The following GALNTL6 variants were observed in gnomAD, a reference collection of about 807,000 sequenced individuals.
GALNTL6 encodes polypeptide N-acetylgalactosaminyltransferase like 6.
A neutral mutation model predicts 73.7 loss-of-function variants in GALNTL6; 46 were observed. That is an observed-to-expected ratio of 0.62 (90% CI 0.49 to 0.80). The LOEUF (loss-of-function observed/expected upper bound fraction) is 0.80. Among genes scored for constraint, GALNTL6 ranks in the 30% least tolerant of loss-of-function variants. The pLI, the probability that GALNTL6 is intolerant of heterozygous loss-of-function variation, is 0.00. For synonymous variants in GALNTL6, 259 were observed against 263.7 expected (o/e 0.98, Z 0.17); for missense variants, 604 against 755.0 (o/e 0.80, Z 2.34).
chr4:172,061,689 T>A (rs1731204635), intron 2 of GALNTL6, among the ~76,000 whole-genome samples: 1 of 152,138 alleles, frequency 6.6e-6, no homozygotes. Flanking sequence ...ACCTACCCAT[T>A]GTATACTAAC....
intron 4 of GALNTL6, among the ~76,000 whole-genome samples, chr4:172,336,874 G>A (rs1741347405): frequency 2.0e-5 from 3 of 152,068 alleles, no homozygotes. Flanking sequence ...GTCCATTATT[G>A]TATGACTGTG....
chr4:172,654,937 A>G (rs1259683885), intron 5 of GALNTL6, among the ~76,000 whole-genome samples: 2 of 152,142 alleles, frequency 1.3e-5, no homozygotes, highest in Non-Finnish European at 2.9e-5. Flanking sequence ...AACTTTACCT[A>G]TTTTACAGAT....
chr4:172,555,693 T>A (rs1343250648), intron 5 of GALNTL6, among the ~76,000 whole-genome samples: 3 of 152,022 alleles, frequency 2.0e-5, no homozygotes, highest in East Asian at 1.9e-4. Flanking sequence ...GCAAAAAAAA[T>A]TCTGTGTTGC....
chr4:171,864,629 T>C (rs1387660395), intron 2 of GALNTL6, among the ~76,000 whole-genome samples: 1 of 152,172 alleles, frequency 6.6e-6, no homozygotes, highest in Non-Finnish European at 1.5e-5. Flanking sequence ...ATATTAGTCC[T>C]AATAAAGCTA....
At chr4:172,156,529 CATATATATATAATATATATATATATAT>C (rs1734269720) in intron 2 of GALNTL6, among the ~76,000 whole-genome samples, 1 of 71,598 alleles carries the variant, frequency 1.4e-5, no homozygotes, top group Non-Finnish European at 2.7e-5. Flanking sequence ...TTTAAATATA[CATATATATATAATATATATATATATAT>C]ATATATATAT....
intron 5 of GALNTL6, among the ~76,000 whole-genome samples, chr4:172,401,560 C>A (rs928749008): frequency 6.6e-6 from 1 of 151,946 alleles, no homozygotes; most frequent in Non-Finnish European, 1.5e-5. Context: ...AAATATAGTT[C>A]ATTTCTCATT....
chr4:172,603,951 C>A, intron 5 of GALNTL6, among the ~76,000 whole-genome samples: 1 of 152,188 alleles, frequency 6.6e-6, no homozygotes, highest in East Asian at 1.9e-4. Context: ...GCATCCCAAA[C>A]TCACTGAAAA....
At chr4:172,270,189 ATG>A (rs547854776) in intron 3 of GALNTL6, among the ~76,000 whole-genome samples, 2 of 150,236 alleles carry the variant, frequency 1.3e-5, no homozygotes, top group Admixed American at 1.3e-4. Context: ...GTGTGTGTGT[ATG>A]TGTGTGTGTG....
intron 2 of GALNTL6, among the ~76,000 whole-genome samples, chr4:171,850,005 G>A (rs918414076): frequency 2.6e-5 from 4 of 152,204 alleles, no homozygotes; most frequent in African/African-American, 9.7e-5. Flanking sequence ...TCACTGCCAT[G>A]CCCAGGCTGG....
intron 2 of GALNTL6, among the ~76,000 whole-genome samples, chr4:171,950,591 T>C (rs1052929036): frequency 6.6e-6 from 1 of 151,500 alleles, no homozygotes; most frequent in African/African-American, 2.4e-5. Flanking sequence ...GCGATTCTCC[T>C]GCCTCAGCCT....
rs1579279982 is a variant in GALNTL6, at chr4:172,229,564, C to A, written c.139-92C>A. On this transcript the variant is annotated intron_variant, in intron 2 of 12. Transcript: ENST00000506823. Reference sequence around the variant, plus strand: ...AAGATTCACTTATTTAACAGATATTCTTTGATTGCCTATTATGTGCCCGGC... The same window carrying A: ...AAGATTCACTTATTTAACAGATATTATTTGATTGCCTATTATGTGCCCGGC... 5.9e-6 allele frequency: 4 copies of A among 680,406 alleles called. No homozygotes were observed. In the East Asian group the frequency reaches 1.1e-4, roughly 18 times the overall value. 42.1% of individuals were successfully genotyped at this position (680,406 alleles called of 1,614,324 possible).
At chr4:172,745,297 G>T (rs1737043857) in intron 5 of GALNTL6, among the ~76,000 whole-genome samples, 1 of 151,690 alleles carries the variant, frequency 6.6e-6, no homozygotes, top group Non-Finnish European at 1.5e-5. Context: ...TGCTGCTGTG[G>T]GATATAGAGA....
chr4:172,400,750 G>C (rs1366298305), intron 5 of GALNTL6, among the ~76,000 whole-genome samples: 1 of 152,082 alleles, frequency 6.6e-6, no homozygotes, highest in African/African-American at 2.4e-5. Context: ...AGAGAGGAAA[G>C]CCGACGATGT....
At chr4:172,211,237 A>G (rs1394986284) in intron 2 of GALNTL6, among the ~76,000 whole-genome samples, 3 of 152,176 alleles carry the variant, frequency 2.0e-5, no homozygotes, top group African/African-American at 7.2e-5. Context: ...GGATTAGACA[A>G]TAGTATTTTG....
At chr4:172,371,791 T>C (rs1160395862) in intron 5 of GALNTL6, among the ~76,000 whole-genome samples, 2 of 152,188 alleles carry the variant, frequency 1.3e-5, no homozygotes, top group Non-Finnish European at 2.9e-5. Flanking sequence ...CAGCTGCTTA[T>C]GCTGCTGTTC....
intron 5 of GALNTL6, among the ~76,000 whole-genome samples, chr4:172,427,768 C>T (rs895269661): frequency 1.3e-5 from 2 of 151,978 alleles, no homozygotes; most frequent in East Asian, 1.9e-4. Flanking sequence ...ACTGTGACAC[C>T]GCTATGCATT....
intron 2 of GALNTL6, among the ~76,000 whole-genome samples, chr4:172,007,035 A>C (rs1407308397): frequency 1.3e-5 from 2 of 152,182 alleles, no homozygotes; most frequent in African/African-American, 4.8e-5. Context: ...TGTGCAAAGA[A>C]CTTTATTAAG....
intron 6 of GALNTL6, among the ~76,000 whole-genome samples, chr4:172,812,620 A>G (rs1185659967): frequency 3.3e-5 from 5 of 152,128 alleles, no homozygotes; most frequent in Non-Finnish European, 7.4e-5. Context: ...AAAAAAAAAA[A>G]AATCACCTCT....
At chr4:172,077,752 A>G (rs1401030075) in intron 2 of GALNTL6, among the ~76,000 whole-genome samples, 3 of 152,204 alleles carry the variant, frequency 2.0e-5, no homozygotes, top group Non-Finnish European at 4.4e-5. Flanking sequence ...AGAAATTTGC[A>G]TAAGTAAAGA....
Sources: gnomAD v4.1 joint callset for allele counts (sites outside exome capture counted in the v4.1 genomes callset) on GRCh38, gnomAD v4.1.1 for gene constraint, MANE v1.5 for transcripts, NCBI Gene and HGNC (gene_info 2026-07-23, HGNC 2026-07-21) for gene names.